Variants in EXT1 observed in about 807,000 individuals in gnomAD.
The protein encoded by EXT1 is exostosin-1.
A neutral mutation model predicts 82.5 loss-of-function variants in EXT1; 20 were observed. The observed-to-expected ratio is 0.24, with a 90% CI of 0.17 to 0.35. The LOEUF (loss-of-function observed/expected upper bound fraction) is 0.35. EXT1 is among the 10% of genes least tolerant of loss of function. The pLI, the probability that EXT1 is intolerant of heterozygous loss-of-function variation, is 1.00. For synonymous variants in EXT1, 348 were observed against 350.8 expected (o/e 0.99, Z 0.09); for missense variants, 757 against 936.5 (o/e 0.81, Z 2.50).
chr8:118,042,652 G>C (rs893880110), intron 1 of EXT1, among the ~76,000 whole-genome samples: 10 of 152,054 alleles, frequency 6.6e-5, no homozygotes, highest in African/African-American at 2.2e-4. Context: ...CCTACAATTA[G>C]GCATGTTCTC....
intron 1 of EXT1, among the ~76,000 whole-genome samples, chr8:117,879,033 T>G (rs1283477918): frequency 6.6e-6 from 1 of 152,198 alleles, no homozygotes; most frequent in Non-Finnish European, 1.5e-5. Context: ...CTTTTCCTCC[T>G]AGGTGGCACA....
At chr8:117,883,224 T>A (rs557968635) in intron 1 of EXT1, among the ~76,000 whole-genome samples, 2 of 152,344 alleles carry the variant, frequency 1.3e-5, no homozygotes, top group South Asian at 2.1e-4. Context: ...GGTTCACTTA[T>A]GTGATTTGAA....
rs201327567 is a variant in EXT1, at chr8:118,086,549, G to GTGACTGC, written c.962+23535_962+23536insGCAGTCA. On this transcript the variant is annotated intron_variant, in intron 1 of 10. Transcript: ENST00000378204. ...ATGGTATTTCCAGTAAGCACGCAAAGTGATCTTGAATTGGAATATTCAGCT... is the reference window on the plus strand; with the variant it reads ...ATGGTATTTCCAGTAAGCACGCAAAGTGACTGCTGATCTTGAATTGGAATATTCAGCT... Among the ~76,000 whole-genome samples the GTGACTGC allele has an allele frequency of 6.6e-3, 999 of 152,308 alleles. 7 individuals are homozygous for GTGACTGC. Among genetic ancestry groups the GTGACTGC allele is most frequent in the African/African-American group, 0.022 (900 of 41,560 alleles).
In EXT1 at chr8:117,872,824, G is replaced by GA. The variant is rs1171262675; in HGVS notation, c.963-35624dup. The stretch of plus-strand genomic sequence containing the variant: ...ATATTAAAGCGAATACTGAAGCAGA[G>GA]AAAAAAAAAAAAAAAAGAAAGAAAT... On this transcript the variant is annotated intron_variant, in intron 1 of 10. Coordinates refer to ENST00000378204, the MANE Select transcript of EXT1 (RefSeq NM_000127.3). Among the ~76,000 whole-genome samples, 847 of 87,354 alleles carry GA rather than the reference G, an allele frequency of 9.7e-3. 5 individuals are homozygous for GA. Among genetic ancestry groups the GA allele is most frequent in the Middle Eastern group, 0.014 (2 of 148 alleles). The allele number at this position is 87,354 out of a possible 152,430, so 57.3% of individuals were successfully genotyped here.
intron 1 of EXT1, among the ~76,000 whole-genome samples, chr8:118,055,923 G>A (rs890709927): frequency 1.3e-5 from 2 of 152,080 alleles, no homozygotes; most frequent in African/African-American, 4.8e-5. Flanking sequence ...TACCTTAAGT[G>A]ACCATTCTAC....
chr8:117,839,028 G>A (rs1812230861), intron 1 of EXT1, among the ~76,000 whole-genome samples: 1 of 152,154 alleles, frequency 6.6e-6, no homozygotes, highest in Non-Finnish European at 1.5e-5. Flanking sequence ...GGGAATGTGT[G>A]GAGGAAGAGG....
At chr8:117,934,722 TC>T (rs1814125607) in intron 1 of EXT1, among the ~76,000 whole-genome samples, 1 of 152,212 alleles carries the variant, frequency 6.6e-6, no homozygotes. Flanking sequence ...CACCTCAGGC[TC>T]CTTTCACAAT....
At chr8:118,029,192 G>T (rs1816262630) in intron 1 of EXT1, among the ~76,000 whole-genome samples, 1 of 152,160 alleles carries the variant, frequency 6.6e-6, no homozygotes. Flanking sequence ...ACTTTGGGAG[G>T]CCGTGGCGGG....
At chr8:117,991,300 T>C (rs529390175) in intron 1 of EXT1, among the ~76,000 whole-genome samples, 1 of 152,122 alleles carries the variant, frequency 6.6e-6, no homozygotes, top group East Asian at 1.9e-4. Flanking sequence ...TGAAATGCCA[T>C]ATAAAGTGCA....
chr8:117,997,821 T>C (rs1270523208), intron 1 of EXT1, among the ~76,000 whole-genome samples: 2 of 152,128 alleles, frequency 1.3e-5, no homozygotes, highest in Admixed American at 6.5e-5. Flanking sequence ...CTGTCTTTCA[T>C]TGGGGCTCAC....
chr8:117,999,801 TAGAA>T (rs889497656), intron 1 of EXT1, among the ~76,000 whole-genome samples: 17 of 152,276 alleles, frequency 1.1e-4, no homozygotes, highest in South Asian at 4.1e-4. Context: ...TTTTTACACC[TAGAA>T]AGAAAGAAAG....
chr8:117,916,987 G>A (rs1308545863), intron 1 of EXT1, among the ~76,000 whole-genome samples: 1 of 152,036 alleles, frequency 6.6e-6, no homozygotes, highest in South Asian at 2.1e-4. Context: ...TAATAGATAA[G>A]AAGAAACATA....
At chr8:117,891,866 G>A (rs1160312515) in intron 1 of EXT1, among the ~76,000 whole-genome samples, 1 of 148,360 alleles carries the variant, frequency 6.7e-6, no homozygotes, top group African/African-American at 2.5e-5. Context: ...GAGTGCAGTG[G>A]CACGATCTCG....
intron 1 of EXT1, among the ~76,000 whole-genome samples, chr8:118,061,660 T>C (rs1250070890): frequency 6.6e-6 from 1 of 152,230 alleles, no homozygotes; most frequent in Admixed American, 6.5e-5. Flanking sequence ...AAGTACTTTG[T>C]TCAACTTGCA....
At chr8:117,878,961 G>A (rs571758847) in intron 1 of EXT1, among the ~76,000 whole-genome samples, 10 of 152,282 alleles carry the variant, frequency 6.6e-5, no homozygotes, top group Admixed American at 4.6e-4. Context: ...CCTCTGAGAC[G>A]TTACTGTTTT....
chr8:117,822,175 T>C (rs1036051604), intron 5 of EXT1, among the ~76,000 whole-genome samples: 2 of 152,304 alleles, frequency 1.3e-5, no homozygotes, highest in Admixed American at 6.5e-5. Context: ...GCTAACCCAT[T>C]GCCATGTTCA....
At chr8:117,919,516 T>C (rs1813816822) in intron 1 of EXT1, among the ~76,000 whole-genome samples, 1 of 151,436 alleles carries the variant, frequency 6.6e-6, no homozygotes, top group African/African-American at 2.4e-5. Context: ...CTTTTTTTTT[T>C]TTTTTTGAGA....
At chr8:117,879,804 T>A (rs1813031322) in intron 1 of EXT1, among the ~76,000 whole-genome samples, 1 of 152,166 alleles carries the variant, frequency 6.6e-6, no homozygotes, top group Admixed American at 6.5e-5. Flanking sequence ...AAAGATGTGG[T>A]CCTAAAACAG....
At chr8:117,819,632 G>A in intron 6 of EXT1, 44 bp downstream of exon 6, 1 of 1,549,888 alleles carries the variant, frequency 6.5e-7, no homozygotes, top group Non-Finnish European at 8.9e-7. Context: ...TCTCTGGTCT[G>A]GAGCTGGAGC....
Sources: gnomAD v4.1 joint callset for allele counts (sites outside exome capture counted in the v4.1 genomes callset) on GRCh38, gnomAD v4.1.1 for gene constraint, MANE v1.5 for transcripts, NCBI Gene and HGNC (gene_info 2026-07-23, HGNC 2026-07-21) for gene names.